Variants in TGFBRAP1 observed in about 807,000 individuals in gnomAD.
TGFBRAP1 encodes transforming growth factor-beta receptor-associated protein 1.
In TGFBRAP1, 20 loss-of-function variants were observed where a neutral mutation model predicts 83.2. The ratio of observed to expected loss-of-function variants is 0.24; its 90% confidence interval spans 0.17 to 0.35. TGFBRAP1 has a LOEUF of 0.35. TGFBRAP1 is among the 10% of genes least tolerant of loss of function. TGFBRAP1 has a pLI of 1.00. For missense variants in TGFBRAP1, 950 were observed against 1,099.4 expected (o/e 0.86, Z 1.92); for synonymous variants, 415 against 459.8 (o/e 0.90, Z 1.25).
intron 7 of TGFBRAP1, among the ~76,000 whole-genome samples, chr2:105,277,125 T>C (rs1207085580): frequency 6.6e-6 from 1 of 152,212 alleles, no homozygotes; most frequent in Non-Finnish European, 1.5e-5. Context: ...GCCAGGCCAA[T>C]GGAGCGCGGT....
At chr2:105,250,653 T>TC in the TGFBRAP1 span, among the ~76,000 whole-genome samples, 1 of 146,368 alleles carries the variant, frequency 6.8e-6, no homozygotes, top group Non-Finnish European at 1.5e-5. Flanking sequence ...GGTCTCCCTC[T>TC]CCCCACGGTC....
At chr2:105,328,166 C>T (rs185717636) in intron 1 of TGFBRAP1, among the ~76,000 whole-genome samples, 1 of 152,262 alleles carries the variant, frequency 6.6e-6, no homozygotes, top group East Asian at 1.9e-4. Flanking sequence ...GAATTTGAGA[C>T]TCAGAATGTC....
downstream of TGFBRAP1, among the ~76,000 whole-genome samples, chr2:105,261,862 G>A (rs1676795390): frequency 6.6e-6 from 1 of 152,146 alleles, no homozygotes; most frequent in South Asian, 2.1e-4. Flanking sequence ...CCTGGGTCCA[G>A]CTGGAACCGG....
the TGFBRAP1 span, among the ~76,000 whole-genome samples, chr2:105,251,693 G>A: frequency 6.6e-6 from 1 of 152,172 alleles, no homozygotes; most frequent in Non-Finnish European, 1.5e-5. Context: ...CGGTTTTGTG[G>A]AATAGAAAGG....
At chr2:105,252,751 C>CTATTT in the TGFBRAP1 span, among the ~76,000 whole-genome samples, 3 of 113,336 alleles carry the variant, frequency 2.6e-5, no homozygotes, top group African/African-American at 1.0e-4. Context: ...ATATTAACAT[C>CTATTT]TTTTTTTTTT....
the TGFBRAP1 span, among the ~76,000 whole-genome samples, chr2:105,250,647 TC>T: frequency 6.9e-6 from 1 of 145,836 alleles, no homozygotes; most frequent in East Asian, 2.0e-4. Flanking sequence ...CCCCACGGTC[TC>T]CCTCTCCCCA....
the TGFBRAP1 span, among the ~76,000 whole-genome samples, chr2:105,254,781 G>A: frequency 6.6e-6 from 1 of 152,154 alleles, no homozygotes; most frequent in African/African-American, 2.4e-5. Context: ...GCCTTAGGAG[G>A]TGAGGCCTTT....
the TGFBRAP1 span, among the ~76,000 whole-genome samples, chr2:105,253,926 G>T: frequency 3.3e-5 from 5 of 152,028 alleles, no homozygotes; most frequent in African/African-American, 1.2e-4. Flanking sequence ...CAACTTTGTG[G>T]CCCGGTTTTT....
At chr2:105,258,730 T>TACACAC in the TGFBRAP1 span, among the ~76,000 whole-genome samples, 1,045 of 140,600 alleles carry the variant, frequency 7.4e-3, 15 homozygotes, top group African/African-American at 0.025. Context: ...TCCCCACCCC[T>TACACAC]ACACACACAC....
At chr2:105,284,488 A>G (rs1677648518) in intron 4 of TGFBRAP1, 90 bp from the exon 5 acceptor site, 6 of 1,155,672 alleles carry the variant, frequency 5.2e-6, no homozygotes, top group African/African-American at 3.1e-5. Flanking sequence ...AGTGTTCGTT[A>G]TAACATAGAA....
In TGFBRAP1 at chr2:105,273,621, T is replaced by C. The variant is rs1197019466; in HGVS notation, c.1735A>G (p.Ile579Val). 9 of 1,614,116 alleles carry C rather than the reference T, an allele frequency of 5.6e-6. No individual in the cohort carries two copies. In the Admixed American group the frequency reaches 8.3e-5, roughly 15 times the overall value. ...QQKNSFNPDDIINCLKKYPKA... is the reference protein window; with the variant it reads ...QQKNSFNPDDVINCLKKYPKA... ...GGGTATTTTTTAAGGCAATTGATAA[T>C]GTCGTCTGGATTAAAACTGTTCTTC... is the stretch of plus-strand genomic sequence containing the variant. The change falls in exon 9 of 12, where the codon ATT becomes GTT. Residue 579 changes from isoleucine to valine, a missense_variant. Transcript: ENST00000393359.
intron 2 of TGFBRAP1, among the ~76,000 whole-genome samples, chr2:105,306,687 A>G (rs1031425978): frequency 6.6e-6 from 1 of 152,064 alleles, no homozygotes; most frequent in African/African-American, 2.4e-5. Flanking sequence ...AATCTCAGCT[A>G]TTTGGAAGGT....
At chr2:105,262,804 T>C (rs547462954), downstream of TGFBRAP1, among the ~76,000 whole-genome samples, 22 of 152,334 alleles carry the variant, frequency 1.4e-4, no homozygotes, top group Admixed American at 1.3e-3. Context: ...CCTCCCCCAG[T>C]TGCAAGCTAA....
Position 105,298,590 on chromosome 2 carries a change from G to C in TGFBRAP1, c.804C>G (p.Ile268Met). The C allele has an allele frequency of 6.2e-7, 1 of 1,614,142 alleles. No individual in the cohort carries two copies. The highest frequency in any genetic ancestry group is 1.1e-5 in the South Asian group (1 of 91,042). The change falls in exon 3 of 12, where the codon ATC becomes ATG. Residue 268 changes from isoleucine (I) to methionine (M), a missense_variant. Physicochemically the swap from Ile to Met is conservative, Grantham distance 10. Transcript: ENST00000393359. ...PYVIALDDEF[I>M]TVHSMLDQQQ... is the part of the protein sequence containing the mutation. ...GCTGATCCAACATGCTGTGGACTGT[G>C]ATGAATTCGTCATCGAGCGCTATGA...
In TGFBRAP1 at chr2:105,267,051, G is replaced by A. The variant is rs1258524770; in HGVS notation, c.*332C>T. 1 of 235,176 alleles carries A rather than the reference G, an allele frequency of 4.3e-6. No individual in the cohort carries two copies. The highest frequency in any genetic ancestry group is 8.3e-6 in the Non-Finnish European group (1 of 119,984). The allele number at this position is 235,176 out of a possible 1,614,324, so 14.6% of individuals were successfully genotyped here. A position where few individuals can be genotyped will look rare whatever the true frequency, so the allele number is the denominator to read the frequency against. ...GTGGGGGATCCCCCACCTGGGTCTG[G>A]ACTGCATGAGGAAGACTCCCTTTTT... On this transcript the variant is annotated 3_prime_UTR_variant, in exon 12 of 12. Transcript: ENST00000393359.
intron 2 of TGFBRAP1, among the ~76,000 whole-genome samples, chr2:105,300,572 GA>G (rs1449465758): frequency 6.6e-6 from 1 of 151,822 alleles, no homozygotes; most frequent in Non-Finnish European, 1.5e-5. Flanking sequence ...GAGTAGCTGG[GA>G]TTACAGACAT....
downstream of TGFBRAP1, among the ~76,000 whole-genome samples, chr2:105,262,582 C>T (rs1052726387): frequency 6.6e-6 from 1 of 152,182 alleles, no homozygotes; most frequent in African/African-American, 2.4e-5. Flanking sequence ...GACGCAGGCA[C>T]GGAAGTCTGG....
chr2:105,288,320 G>C (rs1236436910), intron 4 of TGFBRAP1, among the ~76,000 whole-genome samples: 27 of 152,312 alleles, frequency 1.8e-4, no homozygotes, highest in Non-Finnish European at 1.5e-5. Context: ...AGGACAGCAC[G>C]AGCAGGCTGC....
Position 105,269,504 on chromosome 2 carries a change from T to C in TGFBRAP1, c.2174A>G (p.His725Arg), listed in dbSNP as rs2241797. ...LFHTLLAIYLHAGPTAHELAV... is the reference protein window; with the variant it reads ...LFHTLLAIYLRAGPTAHELAV... Reference sequence around the variant, plus strand: ...CAGCTCGTGGGCAGTGGGGCCAGCATGCAGGTAGATGGCCAGCAGCGTGTG... The same window carrying C: ...CAGCTCGTGGGCAGTGGGGCCAGCACGCAGGTAGATGGCCAGCAGCGTGTG... Residue 725 changes from histidine to arginine, a missense_variant, in exon 11 of 12, where the codon CAT (histidine) becomes CGT (arginine). His to Arg is a conservative substitution (Grantham distance 29, BLOSUM62 0). Transcript: ENST00000393359. The surrounding 1 kb of genome is among the most constrained non-coding windows in gnomAD (Gnocchi z 4.1). 1,005,428 of 1,612,138 alleles carry C rather than the reference T, an allele frequency of 0.62. 319,386 individuals are homozygous for C. The highest frequency in any genetic ancestry group is 0.66 in the Non-Finnish European group (774,775 of 1,179,132).
Sources: gnomAD v4.1 joint callset for allele counts (sites outside exome capture counted in the v4.1 genomes callset) on GRCh38, gnomAD v4.1.1 for gene constraint, Gnocchi (gnomAD v3.1) non-coding constraint, MANE v1.5 for transcripts, NCBI Gene and HGNC (gene_info 2026-07-23, HGNC 2026-07-21) for gene names.